The following ANO3 variants were observed in gnomAD, a reference collection of about 807,000 sequenced individuals.
ANO3 encodes the protein anoctamin 3.
ANO3 carries 99 observed loss-of-function variants against 144.8 expected under a neutral mutation model. The observed-to-expected ratio is 0.68, with a 90% CI of 0.58 to 0.81. The LOEUF is 0.81. Ranked by LOEUF, ANO3 falls within the 30% of genes least tolerant of loss-of-function variation. ANO3 has a pLI of 0.00. For synonymous variants in ANO3, 414 were observed against 392.6 expected, an observed-to-expected ratio of 1.05 and a Z score of -0.64; for missense variants, 905 against 1,202.2, an observed-to-expected ratio of 0.75 and a Z score of 3.66.
intron 14 of ANO3, among the ~76,000 whole-genome samples, chr11:26,586,754 G>A (rs1298280587): frequency 4.1e-5 from 6 of 147,052 alleles, no homozygotes; most frequent in Admixed American, 3.5e-4. Flanking sequence ...CACTTGACTC[G>A]GCCTCCCAAA....
At chr11:26,191,319 T>TATATATACACACACACACAC (rs1851472450) in intron 1 of ANO3, among the ~76,000 whole-genome samples, 2 of 149,676 alleles carry the variant, frequency 1.3e-5, no homozygotes, top group Non-Finnish European at 3.0e-5. Context: ...CACACACACA[T>TATATATACACACACACACAC]ATATATATAC....
rs1376333550 is a variant in ANO3 at position 26,355,518 on chromosome 11, G to A, written c.46+23197G>A. ...ATCCACAACCGTTCTACACTGTTGGGGTCTTGTCTTTAATTTGGTATCCTG... is the reference window on the plus strand; with the variant it reads ...ATCCACAACCGTTCTACACTGTTGGAGTCTTGTCTTTAATTTGGTATCCTG... On this transcript the variant is annotated intron_variant, in intron 1 of 26. Coordinates refer to ENST00000256737, the MANE Select transcript of ANO3 (RefSeq NM_031418.4). 3.3e-5 allele frequency among the ~76,000 whole-genome samples: 5 copies of A among 149,720 alleles called. No individual in the cohort carries two copies. The South Asian group carries it at 1.1e-3, about 32-fold the overall frequency.
At chr11:26,264,120 G>A (rs887474819) in intron 1 of ANO3, among the ~76,000 whole-genome samples, 17 of 152,206 alleles carry the variant, frequency 1.1e-4, no homozygotes, top group Admixed American at 7.9e-4. Context: ...GTGGGCTGAA[G>A]TGGTAAGAAT....
intron 1 of ANO3, among the ~76,000 whole-genome samples, chr11:26,402,175 TGG>T (rs1376633630): frequency 3.9e-4 from 59 of 152,172 alleles, no homozygotes; most frequent in Non-Finnish European, 7.5e-4. Flanking sequence ...ATGGGATTGC[TGG>T]GTCCAATGGG....
intron 3 of ANO3, among the ~76,000 whole-genome samples, chr11:26,455,091 T>A (rs1034789978): frequency 2.4e-4 from 36 of 152,132 alleles, no homozygotes; most frequent in African/African-American, 8.4e-4. Context: ...ATAAGAGCTA[T>A]TTATGACAGA....
chr11:26,406,922 G>GTA (rs1347214842), intron 1 of ANO3, among the ~76,000 whole-genome samples: 1 of 146,102 alleles, frequency 6.8e-6, no homozygotes. Context: ...ATACACACCT[G>GTA]TATATATATA....
chr11:26,435,409 G>A (rs757358735), intron 1 of ANO3, among the ~76,000 whole-genome samples: 1 of 152,150 alleles, frequency 6.6e-6, no homozygotes, highest in African/African-American at 2.4e-5. Context: ...ATGGTCTTGT[G>A]TAGAATCTTT....
chr11:26,656,096 A>G, intron 24 of ANO3, 29 bp from the exon 25 acceptor site: 1 of 1,522,816 alleles, frequency 6.6e-7, no homozygotes, highest in South Asian at 1.1e-5. Flanking sequence ...TGAATCTTTG[A>G]ATCACATGAT....
intron 1 of ANO3, among the ~76,000 whole-genome samples, chr11:26,311,379 C>A (rs2133870820): frequency 6.6e-6 from 1 of 152,306 alleles, no homozygotes; most frequent in East Asian, 1.9e-4. Context: ...GACTTGAACC[C>A]ACATCTGTCT....
chr11:26,302,452 G>A (rs1022522281), intron 1 of ANO3, among the ~76,000 whole-genome samples: 1 of 152,082 alleles, frequency 6.6e-6, no homozygotes, highest in African/African-American at 2.4e-5. Context: ...GTGAGATGGC[G>A]CCACTGCACT....
At chr11:26,428,134 G>C (rs1310177521) in intron 1 of ANO3, among the ~76,000 whole-genome samples, 1 of 152,070 alleles carries the variant, frequency 6.6e-6, no homozygotes, top group Non-Finnish European at 1.5e-5. Flanking sequence ...TAATTGTTAG[G>C]TATTGAACAT....
At chr11:26,616,479 G>A (rs1380593396) in intron 17 of ANO3, among the ~76,000 whole-genome samples, 1 of 139,518 alleles carries the variant, frequency 7.2e-6, no homozygotes, top group Non-Finnish European at 1.5e-5. Context: ...AAGACATACT[G>A]ATCTTCAAAA....
Position 26,212,450 on chromosome 11 carries a change from A to T in ANO3, c.154+23120A>T, listed in dbSNP as rs189990954. Among the ~76,000 whole-genome samples, 291 of 152,130 alleles carry T rather than the reference A, an allele frequency of 1.9e-3. 5 individuals carry two copies. In the South Asian group the frequency reaches 0.021, roughly 11 times the overall value. ...AGATACAATAAAAATGATAAAGGGG[A>T]TATCACCACTGATACCATTGAAATA... On this transcript the variant is annotated intron_variant, in intron 1 of 27. Coordinates refer to the ANO3 transcript ENST00000672621.
intron 1 of ANO3, among the ~76,000 whole-genome samples, chr11:26,229,715 T>C (rs932923381): frequency 2.6e-5 from 4 of 151,506 alleles, no homozygotes; most frequent in Non-Finnish European, 5.9e-5. Context: ...TTTTTAATTG[T>C]TGTTTAAAAT....
intron 1 of ANO3, among the ~76,000 whole-genome samples, chr11:26,316,716 C>T (rs1456005285): frequency 6.6e-6 from 1 of 152,056 alleles, no homozygotes; most frequent in Non-Finnish European, 1.5e-5. Flanking sequence ...CTCATGTGTC[C>T]GTTTATAGAC....
intron 1 of ANO3, among the ~76,000 whole-genome samples, chr11:26,235,543 G>A (rs1852500891): frequency 6.7e-6 from 1 of 148,794 alleles, no homozygotes; most frequent in Non-Finnish European, 1.5e-5. Context: ...ACATATTACT[G>A]TGAAAAAAAT....
intron 1 of ANO3, among the ~76,000 whole-genome samples, chr11:26,333,056 G>C (rs573462494): frequency 6.6e-6 from 1 of 152,124 alleles, no homozygotes; most frequent in Non-Finnish European, 1.5e-5. Flanking sequence ...CACATTCACA[G>C]TTTTTGGAGT....
At chr11:26,502,297 C>A (rs949697435) in intron 4 of ANO3, among the ~76,000 whole-genome samples, 3 of 152,086 alleles carry the variant, frequency 2.0e-5, no homozygotes, top group Non-Finnish European at 4.4e-5. Flanking sequence ...TGCGACTGTT[C>A]TGCTTGCACT....
chr11:26,497,643 A>G (rs1861019474), intron 4 of ANO3, among the ~76,000 whole-genome samples: 1 of 152,058 alleles, frequency 6.6e-6, no homozygotes, highest in African/African-American at 2.4e-5. Flanking sequence ...GAGTTTTCTA[A>G]ATACATGTTG....
Sources: gnomAD v4.1 joint callset for allele counts (sites outside exome capture counted in the v4.1 genomes callset) on GRCh38, gnomAD v4.1.1 for gene constraint, MANE v1.5 for transcripts, NCBI Gene and HGNC (gene_info 2026-07-23, HGNC 2026-07-21) for gene names.